Variants in FAM13A observed in about 807,000 individuals in gnomAD.
FAM13A encodes the protein protein FAM13A.
Under a neutral mutation model 129.6 loss-of-function variants are expected in FAM13A, and 76 were observed. The ratio of observed to expected loss-of-function variants is 0.59; its 90% CI spans 0.49 to 0.71. The LOEUF (loss-of-function observed/expected upper bound fraction) is 0.71, where lower values mean the gene tolerates loss of function less well. Ranked by LOEUF, FAM13A falls within the 30% of genes least tolerant of loss-of-function variation. FAM13A has a pLI of 0.00. For synonymous variants in FAM13A, 443 were observed against 449.9 expected, an observed-to-expected ratio of 0.98 and a Z score of 0.20; for missense variants, 1,108 against 1,249.3, an observed-to-expected ratio of 0.89 and a Z score of 1.70.
chr4:88,989,769 T>C (rs1366012559), intron 4 of FAM13A: 1 of 152,154 alleles, frequency 6.6e-6, no homozygotes, highest in Non-Finnish European at 1.5e-5. Flanking sequence ...TCAAGCCCAA[T>C]GTCTAAGTTA....
intron 6 of FAM13A, among the ~76,000 whole-genome samples, chr4:88,872,793 T>C (rs1193108551): frequency 1.3e-5 from 2 of 152,158 alleles, no homozygotes; most frequent in Admixed American, 6.5e-5. Context: ...GCAGACCTAA[T>C]AGACATCTAC....
intron 6 of FAM13A, among the ~76,000 whole-genome samples, chr4:88,861,170 C>G (rs1348550773): frequency 6.6e-6 from 1 of 151,938 alleles, no homozygotes; most frequent in Non-Finnish European, 1.5e-5. Context: ...CACCTGAGGT[C>G]AGGAGTTCGT....
intron 8 of FAM13A, among the ~76,000 whole-genome samples, chr4:88,800,401 C>T (rs549897699): frequency 1.3e-5 from 2 of 151,904 alleles, no homozygotes; most frequent in Non-Finnish European, 2.9e-5. Flanking sequence ...AAACACTATT[C>T]TGGCCAGGCG....
At position 89,000,462 on chromosome 4, in the gene FAM13A, T is replaced by C. The variant is rs55833430; in HGVS notation, c.428-9312A>G. Among the ~76,000 whole-genome samples the C allele has an allele frequency of 1.1e-3, 168 of 152,294 alleles. 1 individual carries two copies. The highest frequency in any genetic ancestry group is 2.0e-3 in the Non-Finnish European group (137 of 68,018). ...TGTGATTCCATTTATGAAATGTCCA[T>C]AGAAGCAAATGTTTATAGAAAGAAA... On this transcript the variant is annotated intron_variant, in intron 3 of 23. Transcript: ENST00000264344.
rs181208696 is a variant in FAM13A, at chr4:88,857,362, T to C, written c.844-6179A>G. Among the ~76,000 whole-genome samples, 3 of 152,258 alleles carry C rather than the reference T, an allele frequency of 2.0e-5. No individual in the cohort carries two copies. The East Asian group carries it at 5.8e-4, about 29-fold the overall frequency. On this transcript the variant is annotated intron_variant, in intron 6 of 23. Transcript: ENST00000264344. Reference sequence around the variant, plus strand: ...TTATGTTGAGGCCAAGTGTGGTGGCTCACCCCTGTAATCCCAGCACTTTGG... The same window carrying C: ...TTATGTTGAGGCCAAGTGTGGTGGCCCACCCCTGTAATCCCAGCACTTTGG...
intron 4 of FAM13A, among the ~76,000 whole-genome samples, chr4:88,973,222 T>C (rs1760387156): frequency 6.6e-6 from 1 of 152,050 alleles, no homozygotes; most frequent in Non-Finnish European, 1.5e-5. Flanking sequence ...TCAGTCATTA[T>C]TGTTTCAAAT....
chr4:88,830,088 C>T (rs1578855586), intron 7 of FAM13A, among the ~76,000 whole-genome samples: 1 of 152,128 alleles, frequency 6.6e-6, no homozygotes, highest in East Asian at 1.9e-4. Flanking sequence ...CTGAGGCATA[C>T]ACTGGACCAT....
At chr4:88,838,542 G>A (rs561796988) in intron 7 of FAM13A, among the ~76,000 whole-genome samples, 2 of 151,992 alleles carry the variant, frequency 1.3e-5, no homozygotes, top group South Asian at 4.2e-4. Flanking sequence ...TGGAGACCAC[G>A]GTGAAATCCC....
chr4:88,883,061 T>C (rs1344246041), intron 6 of FAM13A, among the ~76,000 whole-genome samples: 1 of 152,138 alleles, frequency 6.6e-6, no homozygotes, highest in African/African-American at 2.4e-5. Context: ...AATACAATAA[T>C]AGTCAGAGAC....
At chr4:88,859,911 G>A (rs1440156367) in intron 6 of FAM13A, among the ~76,000 whole-genome samples, 1 of 152,082 alleles carries the variant, frequency 6.6e-6, no homozygotes. Flanking sequence ...TGTATCTCCT[G>A]CCTGTAAGTC....
chr4:88,919,908 G>C (rs144567737), intron 5 of FAM13A, among the ~76,000 whole-genome samples: 2,020 of 152,386 alleles, frequency 0.013, 42 homozygotes, highest in African/African-American at 0.046. Context: ...CGCGCACATG[G>C]CTCGGAGGGT....
intron 6 of FAM13A, among the ~76,000 whole-genome samples, chr4:88,859,083 T>G (rs1163560686): frequency 6.6e-6 from 1 of 152,202 alleles, no homozygotes; most frequent in African/African-American, 2.4e-5. Flanking sequence ...ATAGTTCTTT[T>G]TTTTTCTTTC....
intron 4 of FAM13A, among the ~76,000 whole-genome samples, chr4:88,952,284 C>A (rs1046252769): frequency 6.6e-6 from 1 of 151,986 alleles, no homozygotes; most frequent in African/African-American, 2.4e-5. Context: ...AACACATGTT[C>A]TTCACCGAGA....
intron 5 of FAM13A, among the ~76,000 whole-genome samples, chr4:88,912,620 T>C (rs936253929): frequency 6.6e-6 from 1 of 151,906 alleles, no homozygotes; most frequent in African/African-American, 2.4e-5. Flanking sequence ...ATTGGTTTTC[T>C]CTGGAAAACC....
At chr4:88,893,525 A>G (rs1047013956) in intron 6 of FAM13A, among the ~76,000 whole-genome samples, 19 of 151,360 alleles carry the variant, frequency 1.3e-4, no homozygotes, top group African/African-American at 4.4e-4. Context: ...CAGGAGGTTG[A>G]GACAGGAGAA....
At chr4:88,763,180 G>T (rs1281433107) in intron 13 of FAM13A, among the ~76,000 whole-genome samples, 1 of 152,148 alleles carries the variant, frequency 6.6e-6, no homozygotes, top group Non-Finnish European at 1.5e-5. Context: ...GACTTTGTAA[G>T]GTTTGTAAAG....
chr4:88,763,779 A>G (rs1467262847), intron 13 of FAM13A, among the ~76,000 whole-genome samples: 1 of 152,236 alleles, frequency 6.6e-6, no homozygotes, highest in African/African-American at 2.4e-5. Context: ...AAGAAACTAC[A>G]ATATTAACCG....
At chr4:88,814,858 G>A (rs1730402847) in intron 7 of FAM13A, among the ~76,000 whole-genome samples, 1 of 151,378 alleles carries the variant, frequency 6.6e-6, no homozygotes, top group African/African-American at 2.4e-5. Context: ...TTTTTTGGGG[G>A]GAGTGTGACA....
At chr4:88,896,793 C>T (rs1427313425) in intron 6 of FAM13A, among the ~76,000 whole-genome samples, 3 of 152,110 alleles carry the variant, frequency 2.0e-5, no homozygotes, top group Non-Finnish European at 2.9e-5. Context: ...ATCCAATAAC[C>T]GAAACTATCG....
Sources: gnomAD v4.1 joint callset for allele counts (sites outside exome capture counted in the v4.1 genomes callset) on GRCh38, gnomAD v4.1.1 for gene constraint, MANE v1.5 for transcripts, NCBI Gene and HGNC (gene_info 2026-07-23, HGNC 2026-07-21) for gene names.